Variants in LRRFIP2 observed in about 807,000 individuals in gnomAD.
LRRFIP2 encodes LRR binding FLII interacting protein 2, also known as leucine-rich repeat flightless-interacting protein 2.
In LRRFIP2, 109 loss-of-function variants were observed where a neutral mutation model predicts 125.9. The ratio of observed to expected loss-of-function variants is 0.87; its 90% CI spans 0.74 to 1.01. The LOEUF (loss-of-function observed/expected upper bound fraction) is 1.01. Among genes scored for constraint, LRRFIP2 ranks in the 50% least tolerant of loss-of-function variants. LRRFIP2 has a pLI of 0.00. For synonymous variants in LRRFIP2, 291 were observed against 293.1 expected (o/e 0.99, Z 0.07); for missense variants, 850 against 862.3 (o/e 0.99, Z 0.18).
At chr3:37,168,821 C>T (rs1479789931) in intron 1 of LRRFIP2, among the ~76,000 whole-genome samples, 3 of 152,144 alleles carry the variant, frequency 2.0e-5, no homozygotes, top group African/African-American at 7.2e-5. Flanking sequence ...CAGGCTGGAA[C>T]GCAGTGCCTA....
At chr3:37,072,663 A>C in intron 21 of LRRFIP2, 127 bp downstream of exon 21, 1 of 525,272 alleles carries the variant, frequency 1.9e-6, no homozygotes, top group Non-Finnish European at 3.4e-6. Context: ...TCTCCTACTG[A>C]CTCATTTTTC....
chr3:37,082,122 C>T (rs960271795), intron 19 of LRRFIP2, among the ~76,000 whole-genome samples: 1 of 151,848 alleles, frequency 6.6e-6, no homozygotes, highest in African/African-American at 2.4e-5. Context: ...CTCTAGTCTG[C>T]TAGAAGCAAA....
At chr3:37,096,551 GA>G in intron 16 of LRRFIP2, 64 bp downstream of exon 16, 1 of 982,564 alleles carries the variant, frequency 1.0e-6, no homozygotes, top group Non-Finnish European at 1.6e-6. Flanking sequence ...AATAAATAAT[GA>G]ACAAGTTACA....
At position 37,091,558 on chromosome 3, in the gene LRRFIP2, AC is replaced by A; in HGVS notation, c.1036-21del. 6.4e-7 allele frequency: 1 copy of A among 1,557,556 alleles called. No individual in the cohort carries two copies. Among genetic ancestry groups the A allele is most frequent in the Non-Finnish European group, 8.8e-7 (1 of 1,140,582 alleles). ...GATATCCTGCAGGACATAGGAATGA[AC>A]CATTGCATAAAACCATGCACAAACG... is the stretch of plus-strand genomic sequence containing the variant. On this transcript the variant is annotated intron_variant, in intron 17 of 27. Coordinates refer to ENST00000336686, the MANE Select transcript of LRRFIP2 (RefSeq NM_006309.4).
intron 15 of LRRFIP2, among the ~76,000 whole-genome samples, chr3:37,100,676 C>T (rs2093989914): frequency 6.6e-6 from 1 of 152,034 alleles, no homozygotes; most frequent in Non-Finnish European, 1.5e-5. Flanking sequence ...GAAGACATAA[C>T]TATTAATTCA....
At chr3:37,167,385 G>A (rs2096519974) in intron 1 of LRRFIP2, among the ~76,000 whole-genome samples, 1 of 152,078 alleles carries the variant, frequency 6.6e-6, no homozygotes, top group African/African-American at 2.4e-5. Flanking sequence ...GCCGGGTGCA[G>A]TGGCTCACGC....
chr3:37,080,231 T>C (rs1390094137), intron 19 of LRRFIP2, among the ~76,000 whole-genome samples: 2 of 151,888 alleles, frequency 1.3e-5, no homozygotes, highest in African/African-American at 2.4e-5. Context: ...ACCCCATCTC[T>C]ACTAAAAATA....
At chr3:37,116,401 G>A (rs1056587154) in intron 6 of LRRFIP2, among the ~76,000 whole-genome samples, 3 of 151,922 alleles carry the variant, frequency 2.0e-5, no homozygotes, top group African/African-American at 7.3e-5. Flanking sequence ...CCTTCCAAAG[G>A]GCTGGGATTA....
At chr3:37,148,454 G>A (rs914816253) in intron 2 of LRRFIP2, among the ~76,000 whole-genome samples, 6 of 152,154 alleles carry the variant, frequency 3.9e-5, no homozygotes, top group African/African-American at 7.2e-5. Flanking sequence ...CTGCGGAAAC[G>A]AACTGCTATA....
chr3:37,140,420 CTTTA>C (rs10663817), intron 2 of LRRFIP2: 4 of 151,396 alleles, frequency 2.6e-5, no homozygotes, highest in South Asian at 4.2e-4. Flanking sequence ...TGTGAAGCAT[CTTTA>C]TTTATTTATT....
rs190725657 is a variant in LRRFIP2 at position 37,169,157 on chromosome 3, T to C, written c.-56+5382A>G. 2.7e-3 allele frequency among the ~76,000 whole-genome samples: 415 copies of C among 152,284 alleles called. 2 individuals carry two copies. The highest frequency in any genetic ancestry group is 9.7e-3 in the African/African-American group (404 of 41,564). ...TTAGTGTAAGTATACTCTATGATGTTTGCTTGACAAAATTACCTAATGATG... is the reference window on the plus strand; with the variant it reads ...TTAGTGTAAGTATACTCTATGATGTCTGCTTGACAAAATTACCTAATGATG... On this transcript the variant is annotated intron_variant, in intron 1 of 27. Transcript: ENST00000336686.
chr3:37,109,411 T>C, intron 11 of LRRFIP2, 116 bp downstream of exon 11: 2 of 1,111,106 alleles, frequency 1.8e-6, no homozygotes, highest in Non-Finnish European at 1.4e-6. Context: ...GCAGTATACA[T>C]GACACTAAAA....
chr3:37,091,053 G>A (rs935939404), intron 18 of LRRFIP2, among the ~76,000 whole-genome samples: 3 of 151,974 alleles, frequency 2.0e-5, no homozygotes, highest in African/African-American at 4.8e-5. Flanking sequence ...AAGACACCAC[G>A]GATATGCATG....
At chr3:37,064,938 C>T (rs890156658) in intron 23 of LRRFIP2, 2 of 152,318 alleles carry the variant, frequency 1.3e-5, no homozygotes, top group African/African-American at 4.8e-5. Flanking sequence ...CTCTTGCTCA[C>T]CCAGCATCCT....
At chr3:37,092,288 C>G (rs1576427009) in intron 17 of LRRFIP2, among the ~76,000 whole-genome samples, 1 of 152,286 alleles carries the variant, frequency 6.6e-6, no homozygotes, top group Middle Eastern at 3.4e-3. Context: ...TCCGAAATAA[C>G]TGCACAGGGC....
At position 37,149,056 on chromosome 3, in the gene LRRFIP2, A is replaced by G; in HGVS notation, c.-55-18T>C. 2 of 1,579,936 alleles carry G rather than the reference A, an allele frequency of 1.3e-6. No individual in the cohort carries two copies. The highest frequency in any genetic ancestry group is 1.2e-5 in the South Asian group (1 of 85,140). On this transcript the variant is annotated intron_variant, in intron 1 of 27. Coordinates refer to ENST00000336686, the MANE Select transcript of LRRFIP2 (RefSeq NM_006309.4). ...TTTCAGCCCTGAAGTAAACAAAAAC[A>G]TAATAACTTAAGGTATTTCTTTGTG...
chr3:37,151,000 T>C (rs1401127779), intron 1 of LRRFIP2, among the ~76,000 whole-genome samples: 2 of 152,224 alleles, frequency 1.3e-5, no homozygotes, highest in Non-Finnish European at 2.9e-5. Flanking sequence ...AGACTGATGA[T>C]GGTTTATTAC....
chr3:37,074,304 G>A (rs879320380), intron 20 of LRRFIP2, among the ~76,000 whole-genome samples: 11 of 152,134 alleles, frequency 7.2e-5, no homozygotes, highest in South Asian at 2.1e-4. Flanking sequence ...CATCTCTGGC[G>A]TGTCAACACT....
At chr3:37,079,487 A>C (rs773168051) in intron 19 of LRRFIP2, among the ~76,000 whole-genome samples, 12 of 152,226 alleles carry the variant, frequency 7.9e-5, no homozygotes, top group Non-Finnish European at 1.0e-4. Context: ...TCATGCCTGT[A>C]ATTCCAACAC....
Sources: gnomAD v4.1 joint callset for allele counts (sites outside exome capture counted in the v4.1 genomes callset) on GRCh38, gnomAD v4.1.1 for gene constraint, MANE v1.5 for transcripts, NCBI Gene and HGNC (gene_info 2026-07-23, HGNC 2026-07-21) for gene names.